The following DIP2B variants were observed in gnomAD, a reference collection of about 807,000 sequenced individuals.
The protein encoded by DIP2B is disco-interacting protein 2 homolog B.
Under a neutral mutation model 198.0 loss-of-function variants are expected in DIP2B, and 76 were observed. The observed-to-expected ratio is 0.38, with a 90% CI of 0.32 to 0.46. The LOEUF (loss-of-function observed/expected upper bound fraction) is 0.46. DIP2B is among the 20% of genes least tolerant of loss of function. DIP2B has a pLI of 0.99. For missense variants in DIP2B, 1,559 were observed against 1,978.4 expected (o/e 0.79, Z 4.02); for synonymous variants, 701 against 739.1 (o/e 0.95, Z 0.84).
intron 4 of DIP2B, among the ~76,000 whole-genome samples, chr12:50,663,145 T>C (rs1938682348): frequency 6.7e-6 from 1 of 150,328 alleles, no homozygotes; most frequent in Admixed American, 6.6e-5. Context: ...ACAGTTGTGG[T>C]GCCGGGCGCA....
chr12:50,573,863 T>A (rs1216067827), intron 1 of DIP2B, among the ~76,000 whole-genome samples: 2 of 152,358 alleles, frequency 1.3e-5, no homozygotes, highest in African/African-American at 4.8e-5. Flanking sequence ...TTAGGCTTTT[T>A]AAAAGTGACC....
intron 16 of DIP2B, among the ~76,000 whole-genome samples, chr12:50,696,339 G>A (rs186633060): frequency 5.1e-4 from 77 of 152,250 alleles, no homozygotes; most frequent in Non-Finnish European, 1.2e-4. Context: ...TGTTTTTAAC[G>A]TTCATCCATG....
chr12:50,728,403 G>T, intron 29 of DIP2B, 145 bp from the exon 30 acceptor site: 1 of 943,076 alleles, frequency 1.1e-6, no homozygotes. Flanking sequence ...CCTTAATGGA[G>T]TCTTAGATTA....
intron 12 of DIP2B, among the ~76,000 whole-genome samples, chr12:50,689,597 G>A (rs915240988): frequency 6.6e-6 from 1 of 152,150 alleles, no homozygotes; most frequent in African/African-American, 2.4e-5. Flanking sequence ...AAATACAACA[G>A]GAAGAGTTTC....
chr12:50,593,150 G>C (rs1958833748), intron 1 of DIP2B, among the ~76,000 whole-genome samples: 1 of 152,170 alleles, frequency 6.6e-6, no homozygotes, highest in African/African-American at 2.4e-5. Flanking sequence ...AGTAGAACTT[G>C]TGTATAGCCC....
intron 1 of DIP2B, among the ~76,000 whole-genome samples, chr12:50,566,473 T>C (rs1226743201): frequency 6.6e-6 from 1 of 152,194 alleles, no homozygotes; most frequent in Admixed American, 6.5e-5. Context: ...TGTTTGAGAT[T>C]CTCCTTCAAT....
At position 50,580,354 on chromosome 12, in the gene DIP2B, G is replaced by A. The variant is rs1227408001; in HGVS notation, c.101-45622G>A. Among the ~76,000 whole-genome samples the A allele has an allele frequency of 4.7e-5, 7 of 148,630 alleles. 1 individual carries two copies. The East Asian group carries it at 1.2e-3, about 25-fold the overall frequency. On this transcript the variant is annotated intron_variant, in intron 1 of 37. Transcript: ENST00000301180. ...GGCTTTAATAAGCCTTTGGAGTTAA[G>A]AGATTTTTCCTTATGAGTACTCCAG...
At chr12:50,640,962 A>G (rs1938246950) in intron 3 of DIP2B, 110 bp downstream of exon 3, 4 of 1,306,714 alleles carry the variant, frequency 3.1e-6, no homozygotes, top group Admixed American at 2.8e-5. Flanking sequence ...TGAGGCACCA[A>G]CAGTTTTATA....
In DIP2B at chr12:50,588,909, G is replaced by A. The variant is rs139683901; in HGVS notation, c.101-37067G>A. Reference sequence around the variant, plus strand: ...TTAAATTAAAATTTGTTTGTGCTGGGCGCGGTGGCTCACGCCTGTAATCCT... The same window carrying A: ...TTAAATTAAAATTTGTTTGTGCTGGACGCGGTGGCTCACGCCTGTAATCCT... On this transcript the variant is annotated intron_variant, in intron 1 of 37. Transcript: ENST00000301180. 4.7e-3 allele frequency among the ~76,000 whole-genome samples: 717 copies of A among 152,232 alleles called. 8 individuals carry two copies. Among genetic ancestry groups the A allele is most frequent in the African/African-American group, 0.016 (678 of 41,554 alleles).
chr12:50,545,235 ATTTACAGACCT>A (rs1490565820), intron 1 of DIP2B, among the ~76,000 whole-genome samples: 1 of 152,108 alleles, frequency 6.6e-6, no homozygotes, highest in African/African-American at 2.4e-5. Flanking sequence ...GTTTATACCG[ATTTACAGACCT>A]TTTGGCAACG....
chr12:50,686,370 G>A (rs1037964089), intron 11 of DIP2B, among the ~76,000 whole-genome samples: 6 of 152,166 alleles, frequency 3.9e-5, no homozygotes, highest in African/African-American at 1.2e-4. Flanking sequence ...TCAAGGCCTG[G>A]AATTAGCATG....
At chr12:50,619,350 G>A (rs1446503486) in intron 1 of DIP2B, among the ~76,000 whole-genome samples, 2 of 151,814 alleles carry the variant, frequency 1.3e-5, no homozygotes, top group Non-Finnish European at 3.0e-5. Context: ...ACATGGCCAT[G>A]CCCATACAGA....
intron 26 of DIP2B, among the ~76,000 whole-genome samples, chr12:50,721,778 G>A (rs1939840734): frequency 1.3e-5 from 2 of 152,186 alleles, no homozygotes; most frequent in African/African-American, 2.4e-5. Flanking sequence ...AATGTTGTGC[G>A]TGAATTCTGT....
chr12:50,625,846 A>AAATAAGACAAAG, intron 1 of DIP2B, 130 bp from the exon 2 acceptor site: 1 of 866,508 alleles, frequency 1.2e-6, no homozygotes. Context: ...AAAGAACCAT[A>AAATAAGACAAAG]CATTCCCCCC....
intron 34 of DIP2B, among the ~76,000 whole-genome samples, chr12:50,735,759 C>T (rs887455205): frequency 1.3e-5 from 2 of 152,128 alleles, no homozygotes; most frequent in South Asian, 2.1e-4. Flanking sequence ...CCACTATGCC[C>T]GGCCCGGTTC....
At chr12:50,557,496 C>A (rs968939069) in intron 1 of DIP2B, among the ~76,000 whole-genome samples, 4 of 152,208 alleles carry the variant, frequency 2.6e-5, no homozygotes, top group Admixed American at 2.0e-4. Context: ...TACATTCTTA[C>A]TTTACACACT....
At chr12:50,654,732 A>G (rs141221163) in intron 3 of DIP2B, among the ~76,000 whole-genome samples, 1 of 152,366 alleles carries the variant, frequency 6.6e-6, no homozygotes, top group African/African-American at 2.4e-5. Flanking sequence ...ACTTCACTTA[A>G]TAACAGACAA....
intron 8 of DIP2B, chr12:50,679,508 G>A (rs2139533081): frequency 6.6e-6 from 1 of 152,402 alleles, no homozygotes; most frequent in East Asian, 1.9e-4. Flanking sequence ...GGTTGACATA[G>A]TTTAAACTTT....
chr12:50,683,342 C>G (rs1230474122), intron 10 of DIP2B, 94 bp downstream of exon 10: 2 of 1,026,498 alleles, frequency 1.9e-6, no homozygotes, highest in Non-Finnish European at 2.9e-6. Flanking sequence ...AAAAACTGTT[C>G]GACCATTTTT....
Sources: allele counts gnomAD v4.1 joint callset (sites outside exome capture counted in the v4.1 genomes callset), GRCh38; gene constraint gnomAD v4.1.1; transcripts MANE v1.5; gene names NCBI Gene and HGNC (gene_info 2026-07-23, HGNC 2026-07-21).